The following CSMD1 variants were observed in gnomAD, a reference collection of about 807,000 sequenced individuals.
CSMD1 encodes CUB and sushi domain-containing protein 1.
A neutral mutation model predicts 417.5 loss-of-function variants in CSMD1; 213 were observed. The observed-to-expected ratio is 0.51, with a 90% confidence interval of 0.46 to 0.57. The LOEUF is 0.57. CSMD1 is among the 20% of genes least tolerant of loss of function. The pLI is 0.00. For synonymous variants in CSMD1, 2,862 were observed against 1,736.8 expected (o/e 1.65, Z -16.11); for missense variants, 6,923 against 4,529.7 (o/e 1.53, Z -15.17).
intron 5 of CSMD1, among the ~76,000 whole-genome samples, chr8:3,772,536 TATATACAC>T (rs1466550828): frequency 2.7e-5 from 2 of 73,436 alleles, no homozygotes; most frequent in South Asian, 4.4e-4. Flanking sequence ...CATATATACA[TATATACAC>T]ATATATACAT....
intron 2 of CSMD1, among the ~76,000 whole-genome samples, chr8:4,444,236 G>A (rs957086392): frequency 6.6e-6 from 1 of 151,316 alleles, no homozygotes; most frequent in Non-Finnish European, 1.5e-5. Context: ...CAACTACTCG[G>A]GAGGCTGAGG....
intron 22 of CSMD1, among the ~76,000 whole-genome samples, chr8:3,344,125 C>G (rs1440063405): frequency 2.0e-5 from 3 of 152,166 alleles, no homozygotes; most frequent in Non-Finnish European, 4.4e-5. Flanking sequence ...GAAGACAAGG[C>G]TTGGTTTTGA....
At chr8:4,077,301 A>ATGTG (rs1554439889) in intron 3 of CSMD1, among the ~76,000 whole-genome samples, 1 of 73,542 alleles carries the variant, frequency 1.4e-5, no homozygotes, top group Non-Finnish European at 3.7e-5. Context: ...ATATGTGTAT[A>ATGTG]TATATATATA....
Position 4,103,441 on chromosome 8 carries a change from G to C in CSMD1, c.416-71342C>G, listed in dbSNP as rs541490019. Among the ~76,000 whole-genome samples, 10 of 150,796 alleles carry C rather than the reference G, an allele frequency of 6.6e-5. 1 individual carries two copies. The East Asian group carries it at 1.9e-3, about 29-fold the overall frequency. On this transcript the variant is annotated intron_variant, in intron 3 of 69. Coordinates refer to ENST00000635120, the MANE Select transcript of CSMD1 (RefSeq NM_033225.6). ...CTTGGCTTTTTTGTCTGTTAAAAAA[G>C]GGTACCATAACATCCACATGATTAT...
At chr8:4,832,217 G>C (rs1409072696) in intron 1 of CSMD1, among the ~76,000 whole-genome samples, 1 of 152,194 alleles carries the variant, frequency 6.6e-6, no homozygotes, top group East Asian at 1.9e-4. Flanking sequence ...TTTGGGAGGT[G>C]AGAGGCTGGG....
chr8:4,159,914 T>C (rs951912025), intron 3 of CSMD1, among the ~76,000 whole-genome samples: 23 of 151,874 alleles, frequency 1.5e-4, no homozygotes, highest in Admixed American at 1.0e-3. Flanking sequence ...TTAAGAATGA[T>C]ATAAAAAACT....
At chr8:3,671,497 ATATATATATATATATGAT>A (rs1799038005) in intron 7 of CSMD1, among the ~76,000 whole-genome samples, 1 of 6,770 alleles carries the variant, frequency 1.5e-4, no homozygotes, top group East Asian at 4.1e-3. Context: ...ATATATGATC[ATATATATATATATATGAT>A]CATATATATG....
chr8:4,403,220 T>C (rs1454424084), intron 3 of CSMD1, among the ~76,000 whole-genome samples: 4 of 152,184 alleles, frequency 2.6e-5, no homozygotes, highest in Non-Finnish European at 4.4e-5. Flanking sequence ...TTCTTTTCCT[T>C]ATGAGAATAT....
chr8:3,699,372 T>G (rs141022688), intron 7 of CSMD1, among the ~76,000 whole-genome samples: 1 of 152,222 alleles, frequency 6.6e-6, no homozygotes, highest in Non-Finnish European at 1.5e-5. Flanking sequence ...TAATTATTTG[T>G]GCTTTTCTCC....
chr8:4,352,322 T>C (rs1275004956), intron 3 of CSMD1, among the ~76,000 whole-genome samples: 3 of 152,178 alleles, frequency 2.0e-5, no homozygotes, highest in African/African-American at 2.4e-5. Flanking sequence ...TATGCCATCA[T>C]AAAAATTAAA....
At chr8:3,437,517 G>C (rs1017113818) in intron 12 of CSMD1, among the ~76,000 whole-genome samples, 1 of 152,152 alleles carries the variant, frequency 6.6e-6, no homozygotes, top group Non-Finnish European at 1.5e-5. Context: ...CTCCAGCCCT[G>C]CTCAAAGAAA....
At chr8:4,972,217 T>G (rs1810279716) in intron 1 of CSMD1, among the ~76,000 whole-genome samples, 1 of 152,026 alleles carries the variant, frequency 6.6e-6, no homozygotes, top group African/African-American at 2.4e-5. Flanking sequence ...AGATGGAAAT[T>G]TTTGTGTCCT....
chr8:4,447,097 A>G (rs1251515334), intron 2 of CSMD1, among the ~76,000 whole-genome samples: 1 of 152,140 alleles, frequency 6.6e-6, no homozygotes, highest in East Asian at 1.9e-4. Flanking sequence ...TCTCTTTGGG[A>G]AAAGGTACTT....
intron 1 of CSMD1, among the ~76,000 whole-genome samples, chr8:4,680,857 A>T (rs1805995076): frequency 1.3e-5 from 2 of 151,862 alleles, no homozygotes; most frequent in South Asian, 4.2e-4. Context: ...TGGGATTATA[A>T]GTGTGAGCCA....
Position 3,772,005 on chromosome 8 carries a change from T to C in CSMD1, c.819-17963A>G, listed in dbSNP as rs958453270. Among the ~76,000 whole-genome samples, 7 of 151,708 alleles carry C rather than the reference T, an allele frequency of 4.6e-5. No individual in the cohort carries two copies. In the South Asian group the frequency reaches 1.3e-3, roughly 27 times the overall value. ...CCAATTCTGGGCTGGTGAGAATCCA[T>C]ACCCTCCTTTGAAATGGATCTAAAG... On this transcript the variant is annotated intron_variant, in intron 5 of 69. Transcript: ENST00000635120.
chr8:4,924,853 TA>T (rs141372079), intron 1 of CSMD1, among the ~76,000 whole-genome samples: 3,197 of 151,012 alleles, frequency 0.021, 97 homozygotes, highest in African/African-American at 0.072. Flanking sequence ...GGGAAGAAAA[TA>T]TGTTTCTCAA....
intron 65 of CSMD1, 110 bp from the exon 66 acceptor site, chr8:2,951,385 G>A (rs1338073314): frequency 8.7e-7 from 1 of 1,145,428 alleles, no homozygotes; most frequent in East Asian, 2.6e-5. Flanking sequence ...CACAGATGAG[G>A]GCAGTGATGA....
intron 5 of CSMD1, among the ~76,000 whole-genome samples, chr8:3,937,111 T>C (rs190284865): frequency 1.4e-4 from 21 of 152,310 alleles, no homozygotes; most frequent in African/African-American, 4.6e-4. Context: ...AAGATCTTAA[T>C]GGACGAGGAG....
At chr8:3,484,464 T>C (rs1817912874) in intron 11 of CSMD1, among the ~76,000 whole-genome samples, 1 of 152,270 alleles carries the variant, frequency 6.6e-6, no homozygotes, top group South Asian at 2.1e-4. Context: ...TTAAATGTAA[T>C]ATGTAAAACT....
Sources: gnomAD v4.1 joint callset for allele counts (sites outside exome capture counted in the v4.1 genomes callset) on GRCh38, gnomAD v4.1.1 for gene constraint, MANE v1.5 for transcripts, NCBI Gene and HGNC (gene_info 2026-07-23, HGNC 2026-07-21) for gene names.